ERG: variants seen among roughly 807,000 people sequenced by gnomAD.
ERG encodes the protein ETS transcription factor ERG, also known as transcriptional regulator ERG.
Under a neutral mutation model 55.3 loss-of-function variants are expected in ERG, and 9 were observed. The observed-to-expected ratio is 0.16, with a 90% confidence interval of 0.10 to 0.28. The LOEUF is 0.28. Ranked by LOEUF, ERG falls within the 10% of genes least tolerant of loss-of-function variation. The pLI, the probability that ERG is intolerant of heterozygous loss-of-function variation, is 1.00. For synonymous variants in ERG, 223 were observed against 237.3 expected (o/e 0.94, Z 0.55); for missense variants, 434 against 631.6 (o/e 0.69, Z 3.35).
chr21:38,367,718 G>A, the ERG span: 1 of 478,542 alleles, frequency 2.1e-6, no homozygotes, highest in Non-Finnish European at 4.1e-6. Flanking sequence ...ACCCATATTA[G>A]AACAAGACAG....
chr21:38,599,164 C>T (rs924088255), intron 1 of ERG, among the ~76,000 whole-genome samples: 2 of 152,064 alleles, frequency 1.3e-5, no homozygotes, highest in African/African-American at 4.8e-5. Flanking sequence ...GAAGGAGAGG[C>T]CATGGGGGGG....
intron 1 of ERG, among the ~76,000 whole-genome samples, chr21:38,660,255 G>A (rs2060544169): frequency 6.6e-6 from 1 of 152,252 alleles, no homozygotes; most frequent in Non-Finnish European, 1.5e-5. Context: ...CGGGGCCCCA[G>A]ATGAAGTCCC....
At chr21:38,469,002 GA>G (rs796522125) in intron 1 of ERG, among the ~76,000 whole-genome samples, 7,020 of 61,562 alleles carry the variant, frequency 0.11, 359 homozygotes, top group Admixed American at 0.17. Context: ...AAAAAAAAAA[GA>G]AAAAAAAAAA....
At chr21:38,388,944 T>G (rs1987837278) in intron 9 of ERG, among the ~76,000 whole-genome samples, 1 of 152,198 alleles carries the variant, frequency 6.6e-6, no homozygotes, top group Non-Finnish European at 1.5e-5. Flanking sequence ...AAGCAGTACC[T>G]TTGGGCTGTG....
chr21:38,488,321 C>T (rs775165119), intron 1 of ERG, among the ~76,000 whole-genome samples: 23 of 152,090 alleles, frequency 1.5e-4, no homozygotes, highest in Non-Finnish European at 2.9e-4. Flanking sequence ...TGTGGGTTTC[C>T]GTGTGTACAG....
At chr21:38,540,733 A>T (rs2059746184) in intron 2 of ERG, among the ~76,000 whole-genome samples, 2 of 152,174 alleles carry the variant, frequency 1.3e-5, no homozygotes, top group Admixed American at 6.5e-5. Flanking sequence ...CTTGCTAGGA[A>T]TTAGGCTCTT....
intron 1 of ERG, among the ~76,000 whole-genome samples, chr21:38,447,161 T>C (rs1268365248): frequency 6.6e-6 from 1 of 151,962 alleles, no homozygotes; most frequent in Non-Finnish European, 1.5e-5. Flanking sequence ...AGTTTTTTCC[T>C]TAGCTTCCCA....
At chr21:38,483,761 G>C (rs2059259015) in intron 1 of ERG, among the ~76,000 whole-genome samples, 2 of 152,164 alleles carry the variant, frequency 1.3e-5, no homozygotes, top group South Asian at 4.1e-4. Flanking sequence ...TACTCGGGAG[G>C]CTGAGGCAGG....
intron 2 of ERG, among the ~76,000 whole-genome samples, chr21:38,557,009 G>C (rs893689476): frequency 3.3e-5 from 5 of 152,158 alleles, no homozygotes; most frequent in African/African-American, 1.2e-4. Context: ...CACTAGAGTA[G>C]CCGTCACATA....
intron 1 of ERG, among the ~76,000 whole-genome samples, chr21:38,641,368 C>G (rs140556390): frequency 6.6e-6 from 1 of 152,154 alleles, no homozygotes; most frequent in East Asian, 1.9e-4. Flanking sequence ...AACAAACCTG[C>G]CAGTGCCTTG....
At chr21:38,581,489 G>T (rs1245921354) in intron 1 of ERG, among the ~76,000 whole-genome samples, 1 of 152,180 alleles carries the variant, frequency 6.6e-6, no homozygotes. Context: ...GCAGCAGGTT[G>T]GTGAGTCCCT....
chr21:38,475,372 G>A (rs1169311897), intron 1 of ERG, among the ~76,000 whole-genome samples: 1 of 151,986 alleles, frequency 6.6e-6, no homozygotes, highest in African/African-American at 2.4e-5. Context: ...CAAGCTTTTC[G>A]CACCTGACAG....
intron 1 of ERG, among the ~76,000 whole-genome samples, chr21:38,487,047 T>C (rs2059292038): frequency 6.6e-6 from 1 of 151,086 alleles, no homozygotes; most frequent in African/African-American, 2.4e-5. Context: ...CTGCTTCATA[T>C]AGAGAAACTG....
rs183867286 is a variant in ERG, at chr21:38,595,046, C to T, written c.-149-10101G>A. On this transcript the variant is annotated intron_variant, in intron 1 of 10. Transcript: ENST00000398910. ...AGAAAAATGAAGAAGCAGGAGAGCC[C>T]GAGGCAAGAGGGAAATGGCAGGCAC... Among the ~76,000 whole-genome samples the T allele has an allele frequency of 1.3e-4, 20 of 152,090 alleles. No individual in the cohort carries two copies. In the East Asian group the frequency reaches 2.5e-3, roughly 19 times the overall value.
intron 1 of ERG, among the ~76,000 whole-genome samples, chr21:38,655,897 G>A (rs73446340): frequency 0.056 from 8,582 of 152,186 alleles, 507 homozygotes; most frequent in African/African-American, 0.15. Context: ...TGGTGAACAG[G>A]CCAAATGGGA....
intron 2 of ERG, among the ~76,000 whole-genome samples, chr21:38,509,435 T>C (rs1358336591): frequency 6.6e-6 from 1 of 152,146 alleles, no homozygotes; most frequent in Non-Finnish European, 1.5e-5. Flanking sequence ...TATGCCAAAA[T>C]TACAACAGTA....
At chr21:38,636,532 G>A (rs574819706) in intron 1 of ERG, among the ~76,000 whole-genome samples, 1 of 152,270 alleles carries the variant, frequency 6.6e-6, no homozygotes, top group South Asian at 2.1e-4. Context: ...TTTCCCTGAA[G>A]GTATTTACTC....
Position 38,383,464 on chromosome 21 carries a change from A to T in ERG, c.1379T>A (p.Ile460Lys). The change falls in exon 10 of 10, where the codon ATA becomes AAA. Residue 460 changes from isoleucine (I) to lysine (K), a missense_variant. By Grantham distance (102) the Ile-to-Lys change is moderately radical (BLOSUM62 -3). This residue lies in a region of ERG where 107 missense variants were observed against 126.8 expected (regional missense o/e 0.84). Transcript: ENST00000288319. The surrounding 1 kb of genome is among the most constrained non-coding windows in gnomAD (Gnocchi z 5.7). ...GGTGGGGAGCCTAGTGTTGGGGTATATACCCCCAGTTGGTGAATTCCAGTA... is the reference window on the plus strand; with the variant it reads ...GGTGGGGAGCCTAGTGTTGGGGTATTTACCCCCAGTTGGTGAATTCCAGTA... ...NPYWNSPTGGIYPNTRLPTSH... is the reference protein window; with the variant it reads ...NPYWNSPTGGKYPNTRLPTSH... The T allele has an allele frequency of 6.5e-7, 1 of 1,532,484 alleles. No individual in the cohort carries two copies. The highest frequency in any genetic ancestry group is 2.3e-5 in the East Asian group (1 of 44,092). The allele number at this position is 1,532,484 out of a possible 1,614,324, so 94.9% of individuals were successfully genotyped here. A position where few individuals can be genotyped will look rare whatever the true frequency, so the allele number is the denominator to read the frequency against.
intron 2 of ERG, among the ~76,000 whole-genome samples, chr21:38,437,081 G>A (rs1031495844): frequency 3.3e-5 from 5 of 151,904 alleles, no homozygotes; most frequent in Admixed American, 3.3e-4. Context: ...AGAGATGGGG[G>A]TTTCACCATG....
Sources: allele counts gnomAD v4.1 joint callset (sites outside exome capture counted in the v4.1 genomes callset), GRCh38; gene constraint gnomAD v4.1.1; regional missense constraint gnomAD v4.1.1; non-coding constraint Gnocchi (gnomAD v3.1); transcripts MANE v1.5; gene names NCBI Gene and HGNC (gene_info 2026-07-23, HGNC 2026-07-21).